Variants in PRDM10 observed in about 807,000 individuals in gnomAD.
PRDM10 encodes the protein PR/SET domain 10.
A neutral mutation model predicts 133.1 loss-of-function variants in PRDM10; 65 were observed. That is an observed-to-expected ratio of 0.49 (90% CI 0.40 to 0.60). The LOEUF is 0.60. Ranked by LOEUF, PRDM10 falls within the 20% of genes least tolerant of loss-of-function variation. The probability of loss-of-function intolerance (pLI) is 0.00; values close to 1 mark genes in which losing one functional copy is unlikely to be tolerated. For synonymous variants in PRDM10, 582 were observed against 580.4 expected, an observed-to-expected ratio of 1.00 and a Z score of -0.04; for missense variants, 1,137 against 1,507.1, an observed-to-expected ratio of 0.75 and a Z score of 4.07.
intron 6 of PRDM10, among the ~76,000 whole-genome samples, chr11:129,942,956 A>G (rs1168995223): frequency 6.6e-6 from 1 of 152,164 alleles, no homozygotes; most frequent in South Asian, 2.1e-4. Flanking sequence ...GCTCATTACA[A>G]TTTGCCTCCT....
intron 1 of PRDM10, among the ~76,000 whole-genome samples, chr11:129,986,001 C>T (rs1938421717): frequency 6.6e-6 from 1 of 151,772 alleles, no homozygotes; most frequent in Admixed American, 6.6e-5. Context: ...TTAGTGTACA[C>T]AGAGGTGTTG....
chr11:129,927,488 T>A (rs1950720193), intron 11 of PRDM10, among the ~76,000 whole-genome samples: 1 of 152,118 alleles, frequency 6.6e-6, no homozygotes, highest in Admixed American at 6.6e-5. Context: ...GCACATTGAC[T>A]GTGGTCCCAC....
At chr11:129,951,497 T>C (rs1951581304) in intron 4 of PRDM10, among the ~76,000 whole-genome samples, 1 of 152,148 alleles carries the variant, frequency 6.6e-6, no homozygotes, top group Non-Finnish European at 1.5e-5. Flanking sequence ...AGCAAAACCA[T>C]TTTAATCCTG....
chr11:129,919,740 C>T (rs143694211), intron 13 of PRDM10, among the ~76,000 whole-genome samples: 16 of 152,272 alleles, frequency 1.1e-4, no homozygotes, highest in African/African-American at 3.4e-4. Flanking sequence ...CCAGTTCTTC[C>T]CACCTTTCAG....
chr11:129,916,011 A>T, intron 15 of PRDM10, 151 bp from the exon 16 acceptor site: 1 of 659,832 alleles, frequency 1.5e-6, no homozygotes, highest in Non-Finnish European at 2.4e-6. Context: ...AGATCTATTG[A>T]AGAGCAAGGA....
At chr11:129,946,709 C>T (rs552351849) in intron 5 of PRDM10, among the ~76,000 whole-genome samples, 5 of 152,268 alleles carry the variant, frequency 3.3e-5, no homozygotes, top group Admixed American at 6.5e-5. Flanking sequence ...AGACTCAGGG[C>T]ACTCACGCCT....
At chr11:129,957,715 A>G in intron 3 of PRDM10, 31 bp downstream of exon 3, 2 of 1,585,744 alleles carry the variant, frequency 1.3e-6, no homozygotes, top group South Asian at 1.1e-5. Context: ...TAGTTAATTG[A>G]CAAATTATCA....
intron 1 of PRDM10, among the ~76,000 whole-genome samples, chr11:129,967,586 G>A (rs1196017771): frequency 1.3e-5 from 2 of 151,998 alleles, no homozygotes; most frequent in Non-Finnish European, 2.9e-5. Context: ...TTCATGCTTG[G>A]TGAACATCAA....
intron 1 of PRDM10, among the ~76,000 whole-genome samples, chr11:129,968,781 C>A (rs1951957260): frequency 6.6e-6 from 1 of 152,176 alleles, no homozygotes; most frequent in Non-Finnish European, 1.5e-5. Flanking sequence ...CACAGCCCTA[C>A]CCACTCACCA....
At chr11:129,990,879 T>C (rs537230619) in intron 1 of PRDM10, among the ~76,000 whole-genome samples, 1 of 152,324 alleles carries the variant, frequency 6.6e-6, no homozygotes, top group East Asian at 1.9e-4. Context: ...TGAGCTCAGA[T>C]AGACAACATA....
chr11:129,959,408 TAAG>T (rs1565496266), intron 2 of PRDM10, among the ~76,000 whole-genome samples: 1 of 152,176 alleles, frequency 6.6e-6, no homozygotes, highest in Non-Finnish European at 1.5e-5. Context: ...TTTCAGTGCT[TAAG>T]AAGGGAAAAC....
chr11:129,929,991 G>A (rs779305742), intron 11 of PRDM10, among the ~76,000 whole-genome samples: 4 of 152,112 alleles, frequency 2.6e-5, no homozygotes, highest in Non-Finnish European at 5.9e-5. Flanking sequence ...CATATGTTTC[G>A]ATTACAGGGC....
At chr11:129,943,335 T>C (rs1312131058) in intron 6 of PRDM10, among the ~76,000 whole-genome samples, 4 of 152,212 alleles carry the variant, frequency 2.6e-5, no homozygotes, top group Non-Finnish European at 5.9e-5. Flanking sequence ...ACACAGCAGA[T>C]TACATTAAGC....
intron 1 of PRDM10, among the ~76,000 whole-genome samples, chr11:129,967,412 A>T (rs1951930674): frequency 6.6e-6 from 1 of 152,080 alleles, no homozygotes; most frequent in South Asian, 2.1e-4. Context: ...AAATAAACAA[A>T]AAAACCCACT....
chr11:129,977,297 CACAT>C (rs1337981110), intron 1 of PRDM10, among the ~76,000 whole-genome samples: 9 of 147,552 alleles, frequency 6.1e-5, no homozygotes, highest in African/African-American at 2.3e-4. Context: ...CACACACACA[CACAT>C]TGAGATGCAG....
At chr11:129,958,517 G>A (rs985103807) in intron 2 of PRDM10, among the ~76,000 whole-genome samples, 9 of 152,186 alleles carry the variant, frequency 5.9e-5, no homozygotes, top group Admixed American at 1.3e-4. Flanking sequence ...GGTGGGGGGC[G>A]CCTGTAATCC....
rs368607591 is a variant in PRDM10 at position 129,910,860 on chromosome 11, TC to T, written c.2983-205del. ...GGCATGATCTCGGCTCACCGCAACC[TC>T]CGCCTCCTGAGTTCAAGTGATTCTC... On this transcript the variant is annotated intron_variant, in intron 18 of 20. Transcript: ENST00000360871. 2.5e-3 allele frequency among the ~76,000 whole-genome samples: 388 copies of T among 152,250 alleles called. 3 individuals carry two copies. The highest frequency in any genetic ancestry group is 8.7e-3 in the African/African-American group (363 of 41,542).
rs755073250 is a variant in PRDM10 at position 129,902,336 on chromosome 11, C to T, written c.3448G>A (p.Glu1150Lys). The T allele has an allele frequency of 7.4e-6, 12 of 1,613,920 alleles. No individual in the cohort carries two copies. Among genetic ancestry groups the T allele is most frequent in the East Asian group, 2.2e-5 (1 of 44,884 alleles). The change falls in exon 21 of 21, where the codon GAA becomes AAA. Residue 1150 changes from glutamate (E) to lysine (K), a missense_variant. Glu to Lys is a moderately conservative substitution (Grantham distance 56). Transcript: ENST00000360871. ...TTTTNGNGSSEVHITKP is the reference protein window; with the variant it reads ...TTTTNGNGSSKVHITKP ...AGTCATGGTTTGGTGATATGCACTT[C>T]GCTGCTTCCGTTCCCGTTGGTGGTG...
rs115257901 is a variant in PRDM10, at chr11:129,939,268, A to G, written c.967-1598T>C. 8.7e-3 allele frequency among the ~76,000 whole-genome samples: 1,329 copies of G among 152,382 alleles called. 15 individuals carry two copies. Among genetic ancestry groups the G allele is most frequent in the African/African-American group, 0.03 (1,260 of 41,578 alleles). The stretch of plus-strand genomic sequence containing the variant: ...GTCTCAAACACAGTAAGAGTTCAAT[A>G]TATCAATTACCAAATGAATTAATCA... On this transcript the variant is annotated intron_variant, in intron 7 of 20. Transcript: ENST00000360871.
Sources: allele counts gnomAD v4.1 joint callset (sites outside exome capture counted in the v4.1 genomes callset), GRCh38; gene constraint gnomAD v4.1.1; transcripts MANE v1.5; gene names NCBI Gene and HGNC (gene_info 2026-07-23, HGNC 2026-07-21).